Variants in DSCAM observed in about 807,000 individuals in gnomAD.
DSCAM encodes the protein DS cell adhesion molecule.
DSCAM carries 47 observed loss-of-function variants against 217.7 expected under a neutral mutation model. That is an observed-to-expected ratio of 0.22 (90% CI 0.17 to 0.28). The LOEUF (loss-of-function observed/expected upper bound fraction) is 0.28, where lower values mean the gene tolerates loss of function less well. Ranked by LOEUF, DSCAM falls within the 10% of genes least tolerant of loss-of-function variation. The probability of loss-of-function intolerance (pLI) is 1.00; values close to 1 mark genes in which losing one functional copy is unlikely to be tolerated. For synonymous variants in DSCAM, 1,056 were observed against 1,015.3 expected, an observed-to-expected ratio of 1.04 and a Z score of -0.76; for missense variants, 2,080 against 2,618.3, an observed-to-expected ratio of 0.79 and a Z score of 4.49.
Position 40,651,715 on chromosome 21 carries a change from A to T in DSCAM, c.508+41095T>A, listed in dbSNP as rs75240782. ...ATATCTTACATGCATATTATAGCCA[A>T]CACTGTTGACTGATTGCTCAAGAAA... is the stretch of plus-strand genomic sequence containing the variant. On this transcript the variant is annotated intron_variant, in intron 3 of 32. Coordinates refer to ENST00000400454, the MANE Select transcript of DSCAM (RefSeq NM_001389.5). 2.3e-4 allele frequency among the ~76,000 whole-genome samples: 35 copies of T among 152,340 alleles called. 1 individual carries two copies. The East Asian group carries it at 5.2e-3, about 23-fold the overall frequency.
chr21:40,567,362 T>C (rs757387107), intron 3 of DSCAM, among the ~76,000 whole-genome samples: 15 of 152,194 alleles, frequency 9.9e-5, no homozygotes, highest in Non-Finnish European at 2.1e-4. Flanking sequence ...GAAATGGAAA[T>C]GAAAGTGCCT....
At chr21:40,846,267 T>C (rs114130154) in intron 1 of DSCAM, among the ~76,000 whole-genome samples, 3,217 of 152,162 alleles carry the variant, frequency 0.021, 109 homozygotes, top group African/African-American at 0.072. Flanking sequence ...CCTTTCCAGG[T>C]TGTAATATTC....
At chr21:40,040,546 G>A (rs2088727385) in intron 32 of DSCAM, among the ~76,000 whole-genome samples, 1 of 151,762 alleles carries the variant, frequency 6.6e-6, no homozygotes, top group African/African-American at 2.4e-5. Context: ...ATTGAGGTGG[G>A]TACCTGCTAG....
At chr21:40,083,828 C>T in intron 24 of DSCAM, 80 bp downstream of exon 24, 1 of 1,126,586 alleles carries the variant, frequency 8.9e-7, no homozygotes, top group South Asian at 1.5e-5. Context: ...ACATACCAGT[C>T]ATTTGCTGAA....
At chr21:40,213,002 C>T (rs983931191) in intron 11 of DSCAM, among the ~76,000 whole-genome samples, 1 of 152,094 alleles carries the variant, frequency 6.6e-6, no homozygotes, top group African/African-American at 2.4e-5. Context: ...ACTGATGTGC[C>T]CTCAGAGCCT....
intron 1 of DSCAM, among the ~76,000 whole-genome samples, chr21:40,708,993 G>T (rs1363160223): frequency 6.6e-6 from 1 of 152,154 alleles, no homozygotes; most frequent in Non-Finnish European, 1.5e-5. Context: ...AAACTGTTAA[G>T]TTATCCTGGA....
chr21:40,187,504 G>A (rs1378527347), intron 13 of DSCAM, among the ~76,000 whole-genome samples: 2 of 152,130 alleles, frequency 1.3e-5, no homozygotes, highest in Non-Finnish European at 2.9e-5. Flanking sequence ...AAAATGTCAC[G>A]ATTCTAGTTT....
chr21:40,364,672 G>T (rs1241744073), intron 4 of DSCAM, among the ~76,000 whole-genome samples: 1 of 133,888 alleles, frequency 7.5e-6, no homozygotes. Context: ...AAAACTTAAA[G>T]TACAATTAAA....
At chr21:40,700,760 T>A (rs1359254332) in intron 2 of DSCAM, among the ~76,000 whole-genome samples, 1 of 148,266 alleles carries the variant, frequency 6.7e-6, no homozygotes, top group Non-Finnish European at 1.5e-5. Context: ...TGAGATGGAG[T>A]CTCCCTCACT....
chr21:40,810,794 A>G (rs2091831047), intron 1 of DSCAM, among the ~76,000 whole-genome samples: 1 of 152,156 alleles, frequency 6.6e-6, no homozygotes, highest in Admixed American at 6.5e-5. Context: ...ACTCCCAGCT[A>G]CTCAGGAGGC....
intron 3 of DSCAM, among the ~76,000 whole-genome samples, chr21:40,450,020 CAGG>C (rs1372561255): frequency 6.6e-6 from 1 of 152,060 alleles, no homozygotes; most frequent in Non-Finnish European, 1.5e-5. Context: ...TTGGGATACA[CAGG>C]AGAAAAACTC....
chr21:40,804,138 T>C (rs997448875), intron 1 of DSCAM, among the ~76,000 whole-genome samples: 3 of 152,180 alleles, frequency 2.0e-5, no homozygotes, highest in Middle Eastern at 3.2e-3. Context: ...ACCTGTGCAG[T>C]ACAAGGCCAC....
intron 3 of DSCAM, among the ~76,000 whole-genome samples, chr21:40,636,650 T>A (rs191636424): frequency 1.8e-3 from 280 of 151,954 alleles, no homozygotes; most frequent in African/African-American, 6.3e-3. Flanking sequence ...GAACATACTA[T>A]GCTATATTTT....
At chr21:40,373,203 G>A (rs151052767) in intron 3 of DSCAM, among the ~76,000 whole-genome samples, 7 of 152,298 alleles carry the variant, frequency 4.6e-5, no homozygotes, top group African/African-American at 1.4e-4. Context: ...GGTTGTTAAT[G>A]CTGAAAGTCA....
At position 40,075,041 on chromosome 21, in the gene DSCAM, C is replaced by T. The variant is rs765995928; in HGVS notation, c.4884G>A (p.Leu1628=). 1 of 1,614,096 alleles carries T rather than the reference C, an allele frequency of 6.2e-7. No homozygotes were observed. The highest frequency in any genetic ancestry group is 8.5e-7 in the Non-Finnish European group (1 of 1,179,986). ...RRRREQRLKR[L]RDAKSLAEML... ...GACAGCTGGGCCTGGACCTACCTCG[C>T]AGCCTCTTTAGCCTCTGCTCCCGCC... The change falls in exon 27 of 33, where the codon CTG becomes CTA. Residue 1628 remains leucine, a synonymous_variant. Coordinates refer to ENST00000400454, the MANE Select transcript of DSCAM (RefSeq NM_001389.5).
chr21:40,093,659 A>C, intron 21 of DSCAM, 62 bp downstream of exon 21: 4 of 1,577,816 alleles, frequency 2.5e-6, no homozygotes, highest in Non-Finnish European at 3.5e-6. Flanking sequence ...TTTCAGGTAA[A>C]ATAGAGACTT....
chr21:40,534,199 A>C (rs773875247), intron 3 of DSCAM, among the ~76,000 whole-genome samples: 70 of 152,228 alleles, frequency 4.6e-4, no homozygotes, highest in African/African-American at 1.6e-3. Flanking sequence ...ATTGACTTTC[A>C]TAACTAGAAT....
intron 7 of DSCAM, 123 bp from the exon 8 acceptor site, chr21:40,338,499 TAAAC>T (rs753870361): frequency 1.6e-4 from 175 of 1,074,052 alleles, no homozygotes; most frequent in Non-Finnish European, 8.1e-5. Context: ...CTTTTTCAGT[TAAAC>T]AAATATTTTT....
At chr21:40,590,174 G>C (rs1004568510) in intron 3 of DSCAM, among the ~76,000 whole-genome samples, 1 of 152,208 alleles carries the variant, frequency 6.6e-6, no homozygotes, top group African/African-American at 2.4e-5. Context: ...ACCAAGCCTA[G>C]GCTCAAAGGC....
Sources: allele counts gnomAD v4.1 joint callset (sites outside exome capture counted in the v4.1 genomes callset), GRCh38; gene constraint gnomAD v4.1.1; transcripts MANE v1.5; gene names NCBI Gene and HGNC (gene_info 2026-07-23, HGNC 2026-07-21).